DNAH7: variants seen among roughly 807,000 people sequenced by gnomAD.
The protein encoded by DNAH7 is axonemal beta dynein heavy chain 7.
Under a neutral mutation model 444.6 loss-of-function variants are expected in DNAH7, and 397 were observed. That is an observed-to-expected ratio of 0.89 (90% CI 0.82 to 0.97). The LOEUF (loss-of-function observed/expected upper bound fraction) is 0.97, where lower values mean the gene tolerates loss of function less well. Among genes scored for constraint, DNAH7 ranks in the 50% least tolerant of loss-of-function variants. The pLI, the probability that DNAH7 is intolerant of heterozygous loss-of-function variation, is 0.00. For synonymous variants in DNAH7, 1,636 were observed against 1,624.4 expected (o/e 1.01, Z -0.17); for missense variants, 4,902 against 4,800.8 (o/e 1.02, Z -0.62).
intron 58 of DNAH7, among the ~76,000 whole-genome samples, chr2:195,781,592 G>A (rs1045533972): frequency 6.6e-6 from 1 of 152,148 alleles, no homozygotes; most frequent in African/African-American, 2.4e-5. Flanking sequence ...GCAGGAGAGA[G>A]TAGGTGAAAA....
chr2:195,876,386 T>C (rs769290941), intron 37 of DNAH7, among the ~76,000 whole-genome samples, 158 bp downstream of exon 37: 19 of 152,360 alleles, frequency 1.2e-4, no homozygotes, highest in Non-Finnish European at 2.6e-4. Flanking sequence ...CTAGTGCACA[T>C]ACAAATGTAA....
chr2:195,778,673 C>CATATATAT (rs1559089831), intron 58 of DNAH7, among the ~76,000 whole-genome samples: 2 of 69,788 alleles, frequency 2.9e-5, no homozygotes, highest in African/African-American at 1.7e-4. Context: ...TATATATACA[C>CATATATAT]ACACACACAT....
At chr2:195,747,971 G>T (rs1489739409) in intron 63 of DNAH7, among the ~76,000 whole-genome samples, 1 of 152,188 alleles carries the variant, frequency 6.6e-6, no homozygotes, top group African/African-American at 2.4e-5. Context: ...CATAGTGTTG[G>T]AAGTTCTGGC....
intron 58 of DNAH7, among the ~76,000 whole-genome samples, chr2:195,784,876 T>C (rs1459008672): frequency 6.6e-6 from 1 of 151,928 alleles, no homozygotes; most frequent in East Asian, 1.9e-4. Flanking sequence ...ATATTGTATA[T>C]ATTTATTACT....
At chr2:195,981,760 T>C (rs1692588989) in intron 15 of DNAH7, among the ~76,000 whole-genome samples, 3 of 152,216 alleles carry the variant, frequency 2.0e-5, no homozygotes, top group South Asian at 4.1e-4. Flanking sequence ...TGGATATTCA[T>C]ATGCAGAAGA....
intron 24 of DNAH7, among the ~76,000 whole-genome samples, chr2:195,913,680 T>C (rs1687493611): frequency 6.6e-6 from 1 of 151,912 alleles, no homozygotes; most frequent in Non-Finnish European, 1.5e-5. Context: ...TCTCCTAATA[T>C]AAGATCTCCA....
chr2:195,773,622 CT>C (rs756386731), intron 60 of DNAH7, among the ~76,000 whole-genome samples: 2 of 152,080 alleles, frequency 1.3e-5, no homozygotes, highest in Admixed American at 1.3e-4. Context: ...TTTATCTTAG[CT>C]TTTTCTTCTT....
In DNAH7 at chr2:195,816,818, C is replaced by A; in HGVS notation, c.9571G>T (p.Glu3191Ter). ...GTGGTGTCAATCTTTTTCTCTGTCT[C>A]TTCGGCTACTTCCTGCTTCTGAGAA... ...EISQKQEVAE[E>*]TEKKIDTTRM... The change falls in exon 51 of 65, where the codon GAG becomes TAG. Residue 3191 changes from glutamate to a stop codon, truncating the protein, a stop_gained. Transcript: ENST00000312428. LOFTEE classifies it high-confidence loss of function. 1 of 1,614,126 alleles carries A rather than the reference C, an allele frequency of 6.2e-7. No individual in the cohort carries two copies. Among genetic ancestry groups the A allele is most frequent in the South Asian group, 1.1e-5 (1 of 91,080 alleles).
chr2:195,956,689 T>A (rs1450953140), intron 19 of DNAH7, among the ~76,000 whole-genome samples: 1 of 151,880 alleles, frequency 6.6e-6, no homozygotes. Flanking sequence ...ACAAAAAACG[T>A]ACTTTTTTTT....
chr2:195,883,623 A>G (rs1701547560), intron 35 of DNAH7, among the ~76,000 whole-genome samples: 1 of 152,186 alleles, frequency 6.6e-6, no homozygotes, highest in Admixed American at 6.5e-5. Context: ...TGAAATGGAA[A>G]TAATTGCAGA....
At chr2:195,850,682 C>G (rs1247521043) in intron 46 of DNAH7, among the ~76,000 whole-genome samples, 2 of 152,110 alleles carry the variant, frequency 1.3e-5, no homozygotes, top group African/African-American at 4.8e-5. Context: ...GACTTGAAAC[C>G]CTTTGATGTC....
intron 60 of DNAH7, among the ~76,000 whole-genome samples, chr2:195,774,110 A>G (rs1234939475): frequency 6.6e-6 from 1 of 152,226 alleles, no homozygotes; most frequent in African/African-American, 2.4e-5. Flanking sequence ...TTGTGTATTT[A>G]AACTTATTTG....
intron 64 of DNAH7, among the ~76,000 whole-genome samples, chr2:195,738,523 T>C (rs1692791561): frequency 6.6e-6 from 1 of 152,154 alleles, no homozygotes; most frequent in African/African-American, 2.4e-5. Context: ...GAAGGGATTT[T>C]TATCAACAGC....
intron 58 of DNAH7, among the ~76,000 whole-genome samples, chr2:195,778,929 C>T (rs1306743261): frequency 2.0e-5 from 3 of 150,970 alleles, no homozygotes; most frequent in African/African-American, 4.9e-5. Flanking sequence ...CTGCAACCTC[C>T]ACCTCCCGGG....
intron 4 of DNAH7, 56 bp from the exon 5 acceptor site, chr2:196,047,555 C>A (rs1041765074): frequency 3.0e-6 from 4 of 1,354,152 alleles, no homozygotes; most frequent in East Asian, 2.5e-5. Flanking sequence ...TAAGCTAAAG[C>A]ATTTCACATG....
chr2:195,871,172 T>C (rs1700663753), intron 40 of DNAH7, among the ~76,000 whole-genome samples: 1 of 152,198 alleles, frequency 6.6e-6, no homozygotes, highest in South Asian at 2.1e-4. Flanking sequence ...TGTGTGATGA[T>C]TTAGGAATTC....
chr2:195,823,398 T>C (rs1264769143), intron 49 of DNAH7, among the ~76,000 whole-genome samples: 1 of 152,202 alleles, frequency 6.6e-6, no homozygotes, highest in Non-Finnish European at 1.5e-5. Context: ...ATTTATAAGA[T>C]AGACCTCTGG....
chr2:196,046,764 C>A (rs1281103732), intron 5 of DNAH7, among the ~76,000 whole-genome samples: 1 of 135,882 alleles, frequency 7.4e-6, no homozygotes, highest in Non-Finnish European at 1.6e-5. Context: ...GAGTTACTTA[C>A]CACAATGGGT....
rs1268228284 is a variant in DNAH7 at position 195,794,346 on chromosome 2, T to C, written c.10708A>G (p.Lys3570Glu). ...ISDPEFFGSC[K>E]KPEEFKKLLY... ...ACTTAACCATTACTAACAGGCTTTT[T>C]GCAGCTGCCAAAGAACTCCGGATCA... The change falls in exon 57 of 65, where the codon AAA becomes GAA. Residue 3570 changes from lysine to glutamate, a missense_variant. Transcript: ENST00000312428. 6.2e-7 allele frequency: 1 copy of C among 1,614,154 alleles called. No homozygotes were observed. Among genetic ancestry groups the C allele is most frequent in the Admixed American group, 1.7e-5 (1 of 60,024 alleles).
Sources: allele counts gnomAD v4.1 joint callset (sites outside exome capture counted in the v4.1 genomes callset), GRCh38; gene constraint gnomAD v4.1.1; transcripts MANE v1.5; gene names NCBI Gene and HGNC (gene_info 2026-07-23, HGNC 2026-07-21).